The following GALNT17 variants were observed in gnomAD, a reference collection of about 807,000 sequenced individuals.
GALNT17 encodes UDP-GalNAc:polypeptide N-acetylgalactosaminyltransferase-like 3.
A neutral mutation model predicts 63.7 loss-of-function variants in GALNT17; 29 were observed. The observed-to-expected ratio is 0.46, with a 90% CI of 0.34 to 0.62. The LOEUF (loss-of-function observed/expected upper bound fraction) is 0.62, where lower values mean the gene tolerates loss of function less well. Among genes scored for constraint, GALNT17 ranks in the 20% least tolerant of loss-of-function variants. GALNT17 has a pLI of 0.01. For synonymous variants in GALNT17, 305 were observed against 318.3 expected, an observed-to-expected ratio of 0.96 and a Z score of 0.45; for missense variants, 603 against 799.6, an observed-to-expected ratio of 0.75 and a Z score of 2.97.
chr7:71,685,949 T>G (rs1791350193), intron 9 of GALNT17, among the ~76,000 whole-genome samples: 2 of 7,236 alleles, frequency 2.8e-4, no homozygotes, highest in African/African-American at 6.4e-4. Flanking sequence ...GCAATTACTA[T>G]TTTTTTTTTT....
intron 2 of GALNT17, among the ~76,000 whole-genome samples, chr7:71,380,328 GTATTAA>G (rs1441844678): frequency 1.3e-5 from 2 of 151,988 alleles, no homozygotes; most frequent in Admixed American, 6.6e-5. Flanking sequence ...TTTTTTATTA[GTATTAA>G]TATTATTATT....
chr7:71,258,147 G>T (rs146425881), intron 1 of GALNT17, among the ~76,000 whole-genome samples: 226 of 152,320 alleles, frequency 1.5e-3, no homozygotes, highest in African/African-American at 5.2e-3. Flanking sequence ...TTCTCAGAGA[G>T]AAGCTGCTTC....
intron 6 of GALNT17, among the ~76,000 whole-genome samples, chr7:71,572,778 C>T (rs1045750639): frequency 6.6e-6 from 1 of 151,992 alleles, no homozygotes; most frequent in Non-Finnish European, 1.5e-5. Flanking sequence ...TTTGCAGTGA[C>T]GTGGCAGGAA....
chr7:71,272,997 T>TTTTTTTTTTTTGAGACG (rs1790620302), intron 1 of GALNT17, among the ~76,000 whole-genome samples: 1 of 152,040 alleles, frequency 6.6e-6, no homozygotes, highest in African/African-American at 2.4e-5. Flanking sequence ...TTATTGCTTT[T>TTTTTTTTTTTTGAGACG]GAGTTGCTGC....
At chr7:71,514,601 CTCCATGCCTG>C (rs1562671507) in intron 5 of GALNT17, among the ~76,000 whole-genome samples, 1 of 152,176 alleles carries the variant, frequency 6.6e-6, no homozygotes, top group African/African-American at 2.4e-5. Context: ...GCCCCAGGAC[CTCCATGCCTG>C]TCTAGCCTGT....
At chr7:71,197,217 T>G (rs1431975613) in intron 1 of GALNT17, among the ~76,000 whole-genome samples, 3 of 117,264 alleles carry the variant, frequency 2.6e-5, no homozygotes, top group Admixed American at 1.7e-4. Flanking sequence ...TTTTTTTTTT[T>G]GAGACAGAGT....
In GALNT17 at chr7:71,695,303, G is replaced by T. The variant is rs754128975; in HGVS notation, c.1501-15458G>T. On this transcript the variant is annotated intron_variant, in intron 9 of 10. Coordinates refer to ENST00000333538, the MANE Select transcript of GALNT17 (RefSeq NM_022479.3). ...GCAAGAAAATCAGCCTGAGGTTTTT[G>T]TGGCACAAAGATGTATCCCCATTCA... Among the ~76,000 whole-genome samples the T allele has an allele frequency of 3.9e-5, 6 of 152,120 alleles. No individual in the cohort carries two copies. The East Asian group carries it at 9.7e-4, about 25-fold the overall frequency.
At chr7:71,162,170 T>TTCCTTCCTTC (rs1788361695) in intron 1 of GALNT17, among the ~76,000 whole-genome samples, 4 of 145,906 alleles carry the variant, frequency 2.7e-5, no homozygotes, top group African/African-American at 5.0e-5. Context: ...CCTTCCTTCC[T>TTCCTTCCTTC]GTTGCTATGC....
In GALNT17 at chr7:71,563,761, A is replaced by G. The variant is rs560742020; in HGVS notation, c.963-7524A>G. The stretch of plus-strand genomic sequence containing the variant: ...ACCTGACTAATTTTTTATTTTTCAT[A>G]GAGACAGGGTCTCGCTATGTTGCCC... On this transcript the variant is annotated intron_variant, in intron 5 of 10. Coordinates refer to ENST00000333538, the MANE Select transcript of GALNT17 (RefSeq NM_022479.3). 3.9e-5 allele frequency among the ~76,000 whole-genome samples: 6 copies of G among 152,114 alleles called. No individual in the cohort carries two copies. In the South Asian group the frequency reaches 8.3e-4, roughly 21 times the overall value.
rs376876244 is a variant in GALNT17, at chr7:71,476,477, T to G, written c.962+55372T>G. Among the ~76,000 whole-genome samples the G allele has an allele frequency of 2.6e-5, 4 of 151,710 alleles. No individual in the cohort carries two copies. In the South Asian group the frequency reaches 8.4e-4, roughly 32 times the overall value. On this transcript the variant is annotated intron_variant, in intron 5 of 10. Transcript: ENST00000333538. ...TGAACAGGGGAAGCAAAGGTGGTATTGCCAAGTGAAAATATTTTGTTTAAA... is the reference window on the plus strand; with the variant it reads ...TGAACAGGGGAAGCAAAGGTGGTATGGCCAAGTGAAAATATTTTGTTTAAA...
At chr7:71,435,527 G>C (rs1786942669) in intron 5 of GALNT17, among the ~76,000 whole-genome samples, 1 of 152,110 alleles carries the variant, frequency 6.6e-6, no homozygotes, top group Admixed American at 6.5e-5. Flanking sequence ...CAGTGCTTGA[G>C]ATATTTTGCA....
chr7:71,269,907 G>A (rs1357450308), intron 1 of GALNT17, among the ~76,000 whole-genome samples: 2 of 152,036 alleles, frequency 1.3e-5, no homozygotes, highest in African/African-American at 4.8e-5. Flanking sequence ...ACAAAGCAGG[G>A]GATAGACTCA....
intron 5 of GALNT17, among the ~76,000 whole-genome samples, chr7:71,529,201 A>G (rs1788674927): frequency 6.6e-6 from 1 of 152,172 alleles, no homozygotes; most frequent in Admixed American, 6.6e-5. Context: ...TCAGTAGGAT[A>G]GGAAATAACC....
At chr7:71,640,375 C>T (rs182137002) in intron 6 of GALNT17, among the ~76,000 whole-genome samples, 2 of 152,168 alleles carry the variant, frequency 1.3e-5, no homozygotes, top group African/African-American at 4.8e-5. Context: ...GGGCTCTTGG[C>T]TTGGAATCCA....
At chr7:71,644,236 C>T (rs1017887909) in intron 6 of GALNT17, among the ~76,000 whole-genome samples, 2 of 151,194 alleles carry the variant, frequency 1.3e-5, no homozygotes, top group African/African-American at 4.9e-5. Flanking sequence ...ATACCGATTC[C>T]ACAGAAAAGA....
At chr7:71,162,595 C>T (rs1023657981) in intron 1 of GALNT17, among the ~76,000 whole-genome samples, 7 of 152,028 alleles carry the variant, frequency 4.6e-5, no homozygotes, top group African/African-American at 1.7e-4. Flanking sequence ...CATGTGACTG[C>T]ATGAAGTCAC....
intron 6 of GALNT17, among the ~76,000 whole-genome samples, chr7:71,593,116 C>T (rs1301325571): frequency 6.6e-6 from 1 of 151,526 alleles, no homozygotes; most frequent in South Asian, 2.1e-4. Context: ...CACCCTTGCA[C>T]TGCAGTCTAG....
chr7:71,646,938 G>A (rs977679090), intron 6 of GALNT17, among the ~76,000 whole-genome samples: 10 of 151,666 alleles, frequency 6.6e-5, no homozygotes, highest in Non-Finnish European at 1.3e-4. Flanking sequence ...AGTAGAGATG[G>A]GGTTTCACCG....
chr7:71,461,442 C>G (rs946523731), intron 5 of GALNT17, among the ~76,000 whole-genome samples: 1 of 152,116 alleles, frequency 6.6e-6, no homozygotes, highest in Non-Finnish European at 1.5e-5. Context: ...TTAATGACTT[C>G]TATGGGAAGT....
Sources: allele counts gnomAD v4.1 joint callset (sites outside exome capture counted in the v4.1 genomes callset), GRCh38; gene constraint gnomAD v4.1.1; transcripts MANE v1.5; gene names NCBI Gene and HGNC (gene_info 2026-07-23, HGNC 2026-07-21).